XRN1: variants seen among roughly 807,000 people sequenced by gnomAD.
XRN1 encodes the protein 5'-3' exoribonuclease 1, also known as strand-exchange protein 1 homolog.
XRN1 carries 67 observed loss-of-function variants against 222.3 expected under a neutral mutation model. That is an observed-to-expected ratio of 0.30 (90% confidence interval 0.25 to 0.37). XRN1 has a LOEUF of 0.37. Among genes scored for constraint, XRN1 ranks in the 10% least tolerant of loss-of-function variants. The pLI, the probability that XRN1 is intolerant of heterozygous loss-of-function variation, is 1.00. For synonymous variants in XRN1, 643 were observed against 652.4 expected (o/e 0.99, Z 0.22); for missense variants, 1,707 against 2,000.2 (o/e 0.85, Z 2.80).
intron 1 of XRN1, among the ~76,000 whole-genome samples, chr3:142,443,360 C>T (rs1034325414): frequency 6.6e-6 from 1 of 152,160 alleles, no homozygotes; most frequent in Non-Finnish European, 1.5e-5. Context: ...TTTCCTAGGC[C>T]GACTAAGAAT....
chr3:142,407,260 T>A (rs2068377289), intron 15 of XRN1, among the ~76,000 whole-genome samples: 1 of 152,210 alleles, frequency 6.6e-6, no homozygotes, highest in African/African-American at 2.4e-5. Flanking sequence ...TCATTGAATT[T>A]CTCTAGCTTC....
intron 37 of XRN1, among the ~76,000 whole-genome samples, chr3:142,324,989 T>C (rs1012706336): frequency 2.0e-5 from 3 of 152,212 alleles, no homozygotes; most frequent in African/African-American, 7.2e-5. Context: ...GTTGATTTTG[T>C]ATCTTGGCTT....
chr3:142,370,549 CAAG>C lies in XRN1; in HGVS notation c.3137_3139del (p.Ser1046del). 1.2e-6 allele frequency: 2 copies of C among 1,607,568 alleles called. No homozygotes were observed. The highest frequency in any genetic ancestry group is 1.7e-6 in the Non-Finnish European group (2 of 1,177,744). On this transcript the variant is annotated inframe_deletion, in exon 27 of 41. Coordinates refer to ENST00000392981, the MANE Select transcript of XRN1 (RefSeq NM_001282857.2). ...AGCTGCATCCAGAATTTGTAAATCA[CAAG>C]AAGAACGAGATAAAGTACTGACAGG...
chr3:142,312,655 G>A lies in XRN1; in HGVS notation c.4725C>T (p.Thr1575=), dbSNP rs1300482498. 1.2e-6 allele frequency: 2 copies of A among 1,613,604 alleles called. No individual in the cohort carries two copies. Among genetic ancestry groups the A allele is most frequent in the Non-Finnish European group, 8.5e-7 (1 of 1,179,600 alleles). ...CTGGTATTCCCCCAGCCATGGGCAT[G>A]GTCCCAGAATATAAAGTATGATGGA... ...KPFHHTLYSG[T]MPMAGGIPGG... Residue 1575 remains threonine, a synonymous_variant, in exon 40 of 41, where the codon ACC becomes ACT. Transcript: ENST00000392981.
At chr3:142,438,859 T>C (rs928685231) in intron 1 of XRN1, among the ~76,000 whole-genome samples, 2 of 152,132 alleles carry the variant, frequency 1.3e-5, no homozygotes, top group South Asian at 4.1e-4. Context: ...GTAAAAAGTG[T>C]GGTTTATGCC....
intron 23 of XRN1, among the ~76,000 whole-genome samples, chr3:142,379,147 T>G (rs2067227670): frequency 1.3e-5 from 2 of 151,190 alleles, no homozygotes; most frequent in Non-Finnish European, 2.9e-5. Context: ...GGTGGGTGCC[T>G]GTAATCCCAG....
intron 18 of XRN1, 118 bp from the exon 19 acceptor site, chr3:142,400,665 G>T: frequency 1.4e-6 from 1 of 697,546 alleles, no homozygotes; most frequent in Non-Finnish European, 2.4e-6. Flanking sequence ...ACAAGTTGGG[G>T]CCGGGTGCAG....
intron 20 of XRN1, among the ~76,000 whole-genome samples, chr3:142,392,069 T>C (rs1237692033): frequency 2.0e-5 from 3 of 152,116 alleles, no homozygotes; most frequent in African/African-American, 4.8e-5. Flanking sequence ...TACCTCCTTA[T>C]CTGAAGGTTC....
intron 33 of XRN1, among the ~76,000 whole-genome samples, chr3:142,343,237 C>T (rs1160476065): frequency 3.3e-5 from 5 of 151,980 alleles, no homozygotes; most frequent in African/African-American, 4.8e-5. Context: ...ATGTGGATCA[C>T]GAGGTCAGGA....
chr3:142,316,033 C>T (rs1238641165), intron 39 of XRN1, among the ~76,000 whole-genome samples: 1 of 152,086 alleles, frequency 6.6e-6, no homozygotes, highest in South Asian at 2.1e-4. Context: ...AATGTAAGTA[C>T]ATTACATCAT....
rs1045003791 is a variant in XRN1, at chr3:142,417,355, T to C, written c.1347-126A>G. On this transcript the variant is annotated intron_variant, in intron 12 of 40. Coordinates refer to ENST00000392981, the MANE Select transcript of XRN1 (RefSeq NM_001282857.2). Reference sequence around the variant, plus strand: ...ATTTAATCAATGAATTAGCTATTTATGGCTAAAAATTATAATCCTAAAAAC... The same window carrying C: ...ATTTAATCAATGAATTAGCTATTTACGGCTAAAAATTATAATCCTAAAAAC... The C allele has an allele frequency of 5.5e-6, 4 of 728,034 alleles. No individual in the cohort carries two copies. The African/African-American group carries it at 7.2e-5, about 13-fold the overall frequency. The allele number at this position is 728,034 out of a possible 1,614,324, so 45.1% of individuals were successfully genotyped here. A position where few individuals can be genotyped will look rare whatever the true frequency, so the allele number is the denominator to read the frequency against.
At chr3:142,346,403 T>A (rs985751570) in intron 33 of XRN1, among the ~76,000 whole-genome samples, 4 of 152,148 alleles carry the variant, frequency 2.6e-5, no homozygotes, top group African/African-American at 9.7e-5. Context: ...AAATGCTGTG[T>A]AAATAGTTGT....
At chr3:142,364,918 TA>T in intron 29 of XRN1, 128 bp downstream of exon 29, 1 of 997,050 alleles carries the variant, frequency 1.0e-6, no homozygotes. Context: ...AAAATTTAAC[TA>T]AAACATAAAA....
intron 15 of XRN1, among the ~76,000 whole-genome samples, chr3:142,410,224 T>C (rs919364102): frequency 6.6e-6 from 1 of 152,178 alleles, no homozygotes; most frequent in Non-Finnish European, 1.5e-5. Context: ...ATTAAGTATG[T>C]TGTTTGCAGT....
At chr3:142,365,405 T>C (rs1423764346) in intron 27 of XRN1, 39 bp from the exon 28 acceptor site, 5 of 1,437,650 alleles carry the variant, frequency 3.5e-6, no homozygotes, top group Admixed American at 4.2e-5. Flanking sequence ...TTTTAAAATA[T>C]AAAATTATAA....
Position 142,311,483 on chromosome 3 carries a change from G to A in XRN1, c.*28C>T. On this transcript the variant is annotated 3_prime_UTR_variant, in exon 41 of 41. Transcript: ENST00000392981. ...TATAAAAAGGTAGATGGAAAGAGAA[G>A]AAATTAACTTAATTCTAAGAGCCAA... The A allele has an allele frequency of 6.5e-7, 1 of 1,534,732 alleles. No individual in the cohort carries two copies. Among genetic ancestry groups the A allele is most frequent in the Non-Finnish European group, 8.8e-7 (1 of 1,137,820 alleles).
chr3:142,421,139 G>A lies in XRN1; in HGVS notation c.1050C>T (p.His350=). ...TTAGGTCCACAAAAACTTCACTGAAGTGCTCCCGATCAAACTGTACAGAAA... is the reference window on the plus strand; with the variant it reads ...TTAGGTCCACAAAAACTTCACTGAAATGCTCCCGATCAAACTGTACAGAAA... ...LVKLSDFDRE[H]FSEVFVDLKW... Residue 350 remains histidine (H), a synonymous_variant, in exon 10 of 41, where the codon CAC becomes CAT. Coordinates refer to ENST00000392981, the MANE Select transcript of XRN1 (RefSeq NM_001282857.2). 6.2e-7 allele frequency: 1 copy of A among 1,613,062 alleles called. No individual in the cohort carries two copies. The highest frequency in any genetic ancestry group is 8.5e-7 in the Non-Finnish European group (1 of 1,179,540).
intron 1 of XRN1, among the ~76,000 whole-genome samples, chr3:142,438,277 T>A (rs1194970248): frequency 2.0e-5 from 3 of 151,312 alleles, no homozygotes; most frequent in Admixed American, 1.3e-4. Flanking sequence ...CGTGGGGAGT[T>A]ACGCACCCTG....
chr3:142,413,849 T>C (rs2068685010), intron 14 of XRN1, among the ~76,000 whole-genome samples: 1 of 152,214 alleles, frequency 6.6e-6, no homozygotes, highest in Non-Finnish European at 1.5e-5. Context: ...TTTGTCGGTT[T>C]TAGCCTACTT....
Sources: allele counts gnomAD v4.1 joint callset (sites outside exome capture counted in the v4.1 genomes callset), GRCh38; gene constraint gnomAD v4.1.1; transcripts MANE v1.5; gene names NCBI Gene and HGNC (gene_info 2026-07-23, HGNC 2026-07-21).